The following SDK1 variants were observed in gnomAD, a reference collection of about 807,000 sequenced individuals.
SDK1 encodes protein sidekick-1.
SDK1 carries 157 observed loss-of-function variants against 245.5 expected under a neutral mutation model. That is an observed-to-expected ratio of 0.64 (90% CI 0.56 to 0.73). SDK1 has a LOEUF of 0.73. Among genes scored for constraint, SDK1 ranks in the 30% least tolerant of loss-of-function variants. The pLI is 0.00. For missense variants in SDK1, 3,583 were observed against 3,002.3 expected (o/e 1.19, Z -4.52); for synonymous variants, 1,647 against 1,278.5 (o/e 1.29, Z -6.15).
chr7:3,946,546 G>C (rs1227707299), intron 5 of SDK1, among the ~76,000 whole-genome samples: 1 of 151,918 alleles, frequency 6.6e-6, no homozygotes, highest in African/African-American at 2.4e-5. Context: ...CAAACTCTTG[G>C]GCTCAAGAGA....
chr7:3,762,882 G>T (rs2114991490), intron 4 of SDK1, among the ~76,000 whole-genome samples: 1 of 152,290 alleles, frequency 6.6e-6, no homozygotes, highest in South Asian at 2.1e-4. Flanking sequence ...TTTTGAGGTT[G>T]CCTACAGGTT....
chr7:4,241,137 G>A (rs528722097), intron 42 of SDK1, among the ~76,000 whole-genome samples: 24 of 152,058 alleles, frequency 1.6e-4, no homozygotes, highest in Admixed American at 1.0e-3. Flanking sequence ...TGAAGTGTGC[G>A]GTTCAGTGGT....
Position 4,265,040 on chromosome 7 carries a change from C to T in SDK1, c.6382-84C>T, listed in dbSNP as rs371931256. The stretch of plus-strand genomic sequence containing the variant: ...CGCGACACACGCCCCTGGGGAGGTG[C>T]CCCCACCGCCAGGCCTCCTGCCCAG... On this transcript the variant is annotated intron_variant, in intron 44 of 44. Coordinates refer to ENST00000404826, the MANE Select transcript of SDK1 (RefSeq NM_152744.4). 14 of 1,532,902 alleles carry T rather than the reference C, an allele frequency of 9.1e-6. No homozygotes were observed. The African/African-American group carries it at 1.4e-4, about 15-fold the overall frequency. 95.0% of individuals were successfully genotyped at this position (1,532,902 alleles called of 1,614,324 possible).
chr7:3,903,897 G>C (rs1781876743), intron 5 of SDK1, among the ~76,000 whole-genome samples: 1 of 152,074 alleles, frequency 6.6e-6, no homozygotes, highest in Non-Finnish European at 1.5e-5. Context: ...TTAAAAAAGA[G>C]CCTTGCACCT....
intron 44 of SDK1, among the ~76,000 whole-genome samples, chr7:4,261,998 A>G (rs1425546985): frequency 1.8e-5 from 2 of 109,386 alleles, no homozygotes; most frequent in African/African-American, 3.4e-5. Context: ...AAAAAAATCA[A>G]TTTCACCCTC....
Position 3,842,461 on chromosome 7 carries a change from A to G in SDK1, c.847+20878A>G, listed in dbSNP as rs113646763. Reference sequence around the variant, plus strand: ...ACTGTGCTGGCGTGGGTACTGGGTCACTGTACTGGCATGGGTACTAGGTCG... The same window carrying G: ...ACTGTGCTGGCGTGGGTACTGGGTCGCTGTACTGGCATGGGTACTAGGTCG... On this transcript the variant is annotated intron_variant, in intron 5 of 44. Coordinates refer to ENST00000404826, the MANE Select transcript of SDK1 (RefSeq NM_152744.4). Among the ~76,000 whole-genome samples, 148 of 149,378 alleles carry G rather than the reference A, an allele frequency of 9.9e-4. 1 individual carries two copies. The highest frequency in any genetic ancestry group is 3.6e-3 in the African/African-American group (139 of 38,880).
chr7:3,627,616 C>A (rs1432716009), intron 2 of SDK1, among the ~76,000 whole-genome samples: 1 of 152,172 alleles, frequency 6.6e-6, no homozygotes, highest in African/African-American at 2.4e-5. Flanking sequence ...GCCGTTGCCA[C>A]GTTTGGCATC....
intron 22 of SDK1, among the ~76,000 whole-genome samples, chr7:4,104,931 T>C (rs527628409): frequency 1.3e-5 from 2 of 151,966 alleles, no homozygotes; most frequent in Admixed American, 1.3e-4. Flanking sequence ...GATTTTGAAC[T>C]CCTGGGCTCA....
intron 1 of SDK1, among the ~76,000 whole-genome samples, chr7:3,393,566 G>C (rs961346891): frequency 3.3e-5 from 5 of 152,122 alleles, no homozygotes; most frequent in Non-Finnish European, 5.9e-5. Flanking sequence ...GATAAAACTG[G>C]ATTATTCGCA....
intron 1 of SDK1, among the ~76,000 whole-genome samples, chr7:3,394,082 G>A (rs761992229): frequency 5.9e-5 from 9 of 151,690 alleles, no homozygotes; most frequent in Non-Finnish European, 8.9e-5. Context: ...GACTTCTATA[G>A]GTACTGTCTT....
chr7:3,767,676 C>T (rs1345695629), intron 4 of SDK1, among the ~76,000 whole-genome samples: 1 of 152,110 alleles, frequency 6.6e-6, no homozygotes, highest in Non-Finnish European at 1.5e-5. Flanking sequence ...AGCACTGAGA[C>T]ATGAGGTAAT....
intron 38 of SDK1, among the ~76,000 whole-genome samples, chr7:4,213,576 T>A (rs1201719393): frequency 2.7e-5 from 4 of 150,244 alleles, no homozygotes; most frequent in African/African-American, 9.9e-5. Flanking sequence ...AGAGCGAGAT[T>A]CTGTCTCAAA....
intron 1 of SDK1, among the ~76,000 whole-genome samples, chr7:3,443,205 C>G (rs893099909): frequency 6.6e-6 from 1 of 151,966 alleles, no homozygotes; most frequent in South Asian, 2.1e-4. Flanking sequence ...AAAAACTTAA[C>G]CTTGTGGTAG....
intron 1 of SDK1, among the ~76,000 whole-genome samples, chr7:3,354,848 G>A (rs763903621): frequency 1.3e-5 from 2 of 152,186 alleles, no homozygotes; most frequent in Non-Finnish European, 2.9e-5. Context: ...CCAAGGAAAC[G>A]ATTGGACTTA....
At chr7:4,060,214 C>T (rs903418666) in intron 19 of SDK1, among the ~76,000 whole-genome samples, 7 of 152,072 alleles carry the variant, frequency 4.6e-5, no homozygotes, top group Admixed American at 1.3e-4. Flanking sequence ...AATTGAAATA[C>T]GACATACAGA....
intron 35 of SDK1, among the ~76,000 whole-genome samples, chr7:4,204,996 C>T (rs1784124722): frequency 6.6e-6 from 1 of 152,020 alleles, no homozygotes; most frequent in Admixed American, 6.5e-5. Context: ...CCCCTAATGG[C>T]GGTGTGGTAA....
At chr7:3,740,466 T>A (rs1562408617) in intron 4 of SDK1, among the ~76,000 whole-genome samples, 1 of 152,204 alleles carries the variant, frequency 6.6e-6, no homozygotes, top group South Asian at 2.1e-4. Context: ...TTGTTTGCCC[T>A]AGGGATAGGG....
chr7:3,581,908 A>G (rs1217742396), intron 1 of SDK1, among the ~76,000 whole-genome samples: 3 of 152,230 alleles, frequency 2.0e-5, no homozygotes, highest in Non-Finnish European at 2.9e-5. Context: ...AGAAAACCAA[A>G]TATCACATAT....
intron 3 of SDK1, 109 bp from the exon 4 acceptor site, chr7:3,641,849 G>A: frequency 1.2e-6 from 1 of 857,558 alleles, no homozygotes; most frequent in African/African-American, 1.7e-5. Context: ...GGTGTGAAAT[G>A]TGGCAGCATC....
Sources: allele counts gnomAD v4.1 joint callset (sites outside exome capture counted in the v4.1 genomes callset), GRCh38; gene constraint gnomAD v4.1.1; transcripts MANE v1.5; gene names NCBI Gene and HGNC (gene_info 2026-07-23, HGNC 2026-07-21).